Variants in KCNJ4 observed in about 807,000 individuals in gnomAD.
The protein encoded by KCNJ4 is potassium inwardly rectifying channel subfamily J member 4, also known as inward rectifier potassium channel 4.
Under a neutral mutation model 25.6 loss-of-function variants are expected in KCNJ4, and 3 were observed. The ratio of observed to expected loss-of-function variants is 0.12; its 90% confidence interval spans 0.05 to 0.30. The LOEUF is 0.30. Ranked by LOEUF, KCNJ4 falls within the 10% of genes least tolerant of loss-of-function variation. KCNJ4 has a pLI of 1.00. For synonymous variants in KCNJ4, 257 were observed against 283.9 expected, an observed-to-expected ratio of 0.91 and a Z score of 0.95; for missense variants, 286 against 666.8, an observed-to-expected ratio of 0.43 and a Z score of 6.29.
At chr22:38,454,676 G>A (rs1035661443) in intron 1 of KCNJ4, among the ~76,000 whole-genome samples, 1 of 152,130 alleles carries the variant, frequency 6.6e-6, no homozygotes, top group African/African-American at 2.4e-5. Flanking sequence ...GGGGTGGGTG[G>A]AGGCAGGGAA....
intron 1 of KCNJ4, among the ~76,000 whole-genome samples, chr22:38,441,055 C>G (rs1028280019): frequency 6.6e-6 from 1 of 152,122 alleles, no homozygotes; most frequent in Non-Finnish European, 1.5e-5. Flanking sequence ...GGTCTTAGAC[C>G]CGGCCCCAGC....
chr22:38,438,523 A>G (rs2089308792), intron 1 of KCNJ4, among the ~76,000 whole-genome samples: 1 of 151,048 alleles, frequency 6.6e-6, no homozygotes, highest in African/African-American at 2.4e-5. Flanking sequence ...CCCTGTCTCT[A>G]CTAAAAATAC....
intron 1 of KCNJ4, among the ~76,000 whole-genome samples, chr22:38,437,752 G>A (rs2089302538): frequency 6.6e-6 from 1 of 152,212 alleles, no homozygotes; most frequent in Non-Finnish European, 1.5e-5. Flanking sequence ...CCAAGACTTG[G>A]GTAGTAAGTG....
chr22:38,443,542 C>T lies in KCNJ4; in HGVS notation c.-40+11438G>A, dbSNP rs1195120138. Among the ~76,000 whole-genome samples, 1 of 152,210 alleles carries T rather than the reference C, an allele frequency of 6.6e-6. No individual in the cohort carries two copies. The highest frequency in any genetic ancestry group is 1.5e-5 in the Non-Finnish European group (1 of 68,034). ...GGCCTGACACCTAGGCATCATCCTC[C>T]AGCCCTCCCTAAGCCCAACCGCAAT... On this transcript the variant is annotated intron_variant, in intron 1 of 1. Coordinates refer to ENST00000303592, the MANE Select transcript of KCNJ4 (RefSeq NM_152868.3). This position sits in a 1 kb window ranked among gnomAD's most constrained non-coding sequence, Gnocchi z 4.1.
In KCNJ4 at chr22:38,443,590, T is replaced by C. The variant is rs779610860; in HGVS notation, c.-40+11390A>G. Among the ~76,000 whole-genome samples, 2 of 152,174 alleles carry C rather than the reference T, an allele frequency of 1.3e-5. No homozygotes were observed. The highest frequency in any genetic ancestry group is 2.4e-5 in the African/African-American group (1 of 41,440). On this transcript the variant is annotated intron_variant, in intron 1 of 1. Coordinates refer to ENST00000303592, the MANE Select transcript of KCNJ4 (RefSeq NM_152868.3). The surrounding 1 kb of genome is among the most constrained non-coding windows in gnomAD (Gnocchi z 4.1). ...AATAACAATGGGTTAATAACTAACA[T>C]GCACTTAGTGTTCACTGAGGGCCAT... is the stretch of plus-strand genomic sequence containing the variant.
intron 1 of KCNJ4, among the ~76,000 whole-genome samples, chr22:38,428,438 CT>C (rs967990070): frequency 6.6e-6 from 1 of 152,212 alleles, no homozygotes; most frequent in Non-Finnish European, 1.5e-5. Flanking sequence ...GTCCCTGCCC[CT>C]CAACACTGCC....
At chr22:38,445,851 T>A (rs540912941) in intron 1 of KCNJ4, among the ~76,000 whole-genome samples, 41 of 152,270 alleles carry the variant, frequency 2.7e-4, no homozygotes, top group African/African-American at 6.5e-4. Context: ...TGAAATGGGA[T>A]CCGGCGTGTG....
At chr22:38,448,525 C>A (rs2089391170) in intron 1 of KCNJ4, among the ~76,000 whole-genome samples, 1 of 152,234 alleles carries the variant, frequency 6.6e-6, no homozygotes, top group Admixed American at 6.5e-5. Context: ...GCTGCCCTTC[C>A]CCTCGCTCCG....
chr22:38,440,311 G>A (rs2089323826), intron 1 of KCNJ4, among the ~76,000 whole-genome samples: 3 of 152,148 alleles, frequency 2.0e-5, no homozygotes, highest in Admixed American at 6.5e-5. Flanking sequence ...AGAGGCTGAC[G>A]TGGGCAAATC....
intron 1 of KCNJ4, among the ~76,000 whole-genome samples, chr22:38,437,451 G>A (rs1248603482): frequency 2.0e-5 from 3 of 152,196 alleles, no homozygotes; most frequent in African/African-American, 7.2e-5. Flanking sequence ...AACAACCGCA[G>A]CTCCCTCAGT....
intron 1 of KCNJ4, among the ~76,000 whole-genome samples, chr22:38,431,972 C>G (rs2093051215): frequency 1.3e-5 from 2 of 151,362 alleles, no homozygotes; most frequent in Non-Finnish European, 2.9e-5. Context: ...TTTAAAGGGC[C>G]CTGCTGGGCT....
In KCNJ4 at chr22:38,427,291, G is replaced by C; in HGVS notation, c.842C>G (p.Ser281Trp). Residue 281 changes from serine (S) to tryptophan (W), a missense_variant, in exon 2 of 2, where the codon TCG becomes TGG. This residue lies in a region of KCNJ4 where 39 missense variants were observed against 100.9 expected (regional missense o/e 0.39). Coordinates refer to ENST00000303592, the MANE Select transcript of KCNJ4 (RefSeq NM_152868.3). ...GATGACCACGATCTCAAAGTCCTCC[G>C]ACTCCAGCTCCTCCTTGCCCATGCC... ...LYGMGKEELE[S>W]EDFEIVVILE... is the part of the protein sequence containing the mutation. 1.2e-6 allele frequency: 2 copies of C among 1,613,854 alleles called. No individual in the cohort carries two copies. The highest frequency in any genetic ancestry group is 1.7e-6 in the Non-Finnish European group (2 of 1,180,004).
chr22:38,446,381 C>T (rs2089375008), intron 1 of KCNJ4, among the ~76,000 whole-genome samples: 1 of 152,224 alleles, frequency 6.6e-6, no homozygotes, highest in African/African-American at 2.4e-5. Context: ...GAGGCCCTTT[C>T]CAAGGTCAGG....
Position 38,439,176 on chromosome 22 carries a change from G to A in KCNJ4, c.-39-11005C>T, listed in dbSNP as rs573614022. Among the ~76,000 whole-genome samples the A allele has an allele frequency of 3.1e-4, 47 of 152,278 alleles. No homozygotes were observed. The South Asian group carries it at 9.7e-3, about 32-fold the overall frequency. On this transcript the variant is annotated intron_variant, in intron 1 of 1. Coordinates refer to ENST00000303592, the MANE Select transcript of KCNJ4 (RefSeq NM_152868.3). Reference sequence around the variant, plus strand: ...GGAGGATGGCTTGGACCTGTGAGGTGCAATCCCAGCACTTTGGGAGGCCAA... The same window carrying A: ...GGAGGATGGCTTGGACCTGTGAGGTACAATCCCAGCACTTTGGGAGGCCAA...
At chr22:38,429,945 G>A (rs948886301) in intron 1 of KCNJ4, among the ~76,000 whole-genome samples, 2 of 152,196 alleles carry the variant, frequency 1.3e-5, no homozygotes, top group Non-Finnish European at 1.5e-5. Context: ...CGCAGCAACC[G>A]GTACGCGCCA....
At chr22:38,428,539 T>C (rs2093039880) in intron 1 of KCNJ4, among the ~76,000 whole-genome samples, 1 of 152,036 alleles carries the variant, frequency 6.6e-6, no homozygotes, top group Non-Finnish European at 1.5e-5. Flanking sequence ...GCCCTGAGCA[T>C]AGGGAGCCAC....
Position 38,427,911 on chromosome 22 carries a change from G to T in KCNJ4, c.222C>A (p.Gly74=). Residue 74 remains glycine (G), a synonymous_variant, in exon 2 of 2, where the codon GGC becomes GGA. Coordinates refer to ENST00000303592, the MANE Select transcript of KCNJ4 (RefSeq NM_152868.3). ...AAFLVSWLFF[G]LLFWCIAFFH... ...AGAAGGCGATACACCAGAAGAGGAG[G>T]CCGAAAAAGAGCCAGGAGACAAGGA... The T allele has an allele frequency of 6.2e-7, 1 of 1,612,770 alleles. No homozygotes were observed. Among genetic ancestry groups the T allele is most frequent in the Non-Finnish European group, 8.5e-7 (1 of 1,179,004 alleles).
At chr22:38,442,824 C>T (rs979371274) in intron 1 of KCNJ4, among the ~76,000 whole-genome samples, 21 of 152,100 alleles carry the variant, frequency 1.4e-4, no homozygotes, top group Non-Finnish European at 2.9e-4. Flanking sequence ...CTCACTGTAG[C>T]CTTGACTTCC....
Position 38,426,649 on chromosome 22 carries a change from G to C in KCNJ4, c.*146C>G. ...CTGGGTGCTGGAGTCAGGAGGAAGG[G>C]GTCCCCCAGTCTTTGAAACCCCCAC... On this transcript the variant is annotated 3_prime_UTR_variant, in exon 2 of 2. Transcript: ENST00000303592. 1 of 1,039,360 alleles carries C rather than the reference G, an allele frequency of 9.6e-7. No homozygotes were observed. The highest frequency in any genetic ancestry group is 1.4e-6 in the Non-Finnish European group (1 of 707,208). The allele number at this position is 1,039,360 out of a possible 1,614,324, so 64.4% of individuals were successfully genotyped here.
Sources: gnomAD v4.1 joint callset for allele counts (sites outside exome capture counted in the v4.1 genomes callset) on GRCh38, gnomAD v4.1.1 for gene constraint, gnomAD v4.1.1 regional missense constraint, Gnocchi (gnomAD v3.1) non-coding constraint, MANE v1.5 for transcripts, NCBI Gene and HGNC (gene_info 2026-07-23, HGNC 2026-07-21) for gene names.